JPT2: variants seen among roughly 807,000 people sequenced by gnomAD.
The protein encoded by JPT2 is CRAMP_1 like.
In JPT2, 9 loss-of-function variants were observed where a neutral mutation model predicts 15.9. That is an observed-to-expected ratio of 0.57 (90% CI 0.34 to 0.99). The LOEUF is 0.99. Ranked by LOEUF, JPT2 falls within the 50% of genes least tolerant of loss-of-function variation. JPT2 has a pLI of 0.02. For missense variants in JPT2, 267 were observed against 252.1 expected (o/e 1.06, Z -0.40); for synonymous variants, 95 against 91.7 (o/e 1.04, Z -0.21).
chr16:1,698,748 G>C lies in JPT2; in HGVS notation c.386-63G>C. ...CTATGACACACTTTTTATTTCCACA[G>C]CCTGCCTGTCAGGGTCATGGGTTGC... On this transcript the variant is annotated intron_variant, in intron 4 of 4. Transcript: ENST00000248098. This position sits in a 1 kb window ranked among gnomAD's most constrained non-coding sequence, Gnocchi z 4.9. 2 of 1,501,868 alleles carry C rather than the reference G, an allele frequency of 1.3e-6. No individual in the cohort carries two copies. Among genetic ancestry groups the C allele is most frequent in the Non-Finnish European group, 1.8e-6 (2 of 1,118,162 alleles). 93.0% of individuals were successfully genotyped at this position (1,501,868 alleles called of 1,614,324 possible).
chr16:1,682,446 C>T (rs781761830), intron 1 of JPT2, among the ~76,000 whole-genome samples: 4 of 151,928 alleles, frequency 2.6e-5, no homozygotes, highest in Middle Eastern at 3.4e-3. Flanking sequence ...CTGAGGTGGG[C>T]GGATCACCTG....
intron 1 of JPT2, among the ~76,000 whole-genome samples, chr16:1,680,120 G>A (rs1031130605): frequency 1.2e-4 from 18 of 152,208 alleles, no homozygotes; most frequent in African/African-American, 4.3e-4. Flanking sequence ...ACCGATGTGG[G>A]ACCAGGAGTT....
rs1253512249 is a variant in JPT2, at chr16:1,700,208, A to G, written c.*1210A>G. 2.2e-6 allele frequency: 1 copy of G among 455,446 alleles called. No homozygotes were observed. Among genetic ancestry groups the G allele is most frequent in the South Asian group, 1.5e-5 (1 of 64,528 alleles). 28.2% of individuals were successfully genotyped at this position (455,446 alleles called of 1,614,324 possible). A position where few individuals can be genotyped will look rare whatever the true frequency, so the allele number is the denominator to read the frequency against. On this transcript the variant is annotated 3_prime_UTR_variant, in exon 5 of 5. Transcript: ENST00000248098. ...GAGACTAGAGACCTTAGGCCAGGAG[A>G]TGAAGGAGTTCAGTAGCAAAGTCAC...
intron 3 of JPT2, among the ~76,000 whole-genome samples, chr16:1,694,875 A>G (rs1411256947): frequency 6.6e-6 from 1 of 152,250 alleles, no homozygotes; most frequent in Non-Finnish European, 1.5e-5. Context: ...AAACTATAAA[A>G]TTCTTAGAAG....
intron 1 of JPT2, chr16:1,680,703 T>C (rs779125242): frequency 1.1e-5 from 2 of 178,550 alleles, no homozygotes; most frequent in Non-Finnish European, 2.3e-5. Context: ...TGAGGGATTG[T>C]CTTGTGTTAA....
At chr16:1,687,049 C>G (rs1007106533) in intron 2 of JPT2, among the ~76,000 whole-genome samples, 24 of 152,266 alleles carry the variant, frequency 1.6e-4, no homozygotes, top group Admixed American at 1.3e-4. Flanking sequence ...GTGTCACCAC[C>G]ATGACTCACT....
Position 1,698,793 on chromosome 16 carries a change from T to C in JPT2, c.386-18T>C, listed in dbSNP as rs779981587. 6.2e-7 allele frequency: 1 copy of C among 1,602,394 alleles called. No homozygotes were observed. On this transcript the variant is annotated intron_variant, in intron 4 of 4. Transcript: ENST00000248098. The surrounding 1 kb of genome is among the most constrained non-coding windows in gnomAD (Gnocchi z 4.9). ...GGTTGCCTCTAATGGGATGTTGTTC[T>C]AACTTTGTGTCCCACAGCTGCAAGG...
At position 1,698,769 on chromosome 16, in the gene JPT2, G is replaced by A. The variant is rs1402040015; in HGVS notation, c.386-42G>A. The A allele has an allele frequency of 6.4e-7, 1 of 1,567,672 alleles. No homozygotes were observed. The highest frequency in any genetic ancestry group is 1.4e-5 in the African/African-American group (1 of 73,194). On this transcript the variant is annotated intron_variant, in intron 4 of 4. Transcript: ENST00000248098. The surrounding 1 kb of genome is among the most constrained non-coding windows in gnomAD (Gnocchi z 4.9). ...CACAGCCTGCCTGTCAGGGTCATGG[G>A]TTGCCTCTAATGGGATGTTGTTCTA... is the stretch of plus-strand genomic sequence containing the variant.
At chr16:1,692,631 A>G (rs982002629) in intron 3 of JPT2, among the ~76,000 whole-genome samples, 1 of 152,250 alleles carries the variant, frequency 6.6e-6, no homozygotes, top group Non-Finnish European at 1.5e-5. Context: ...CGTGAGGACC[A>G]GAGCCTGCAC....
At position 1,691,960 on chromosome 16, in the gene JPT2, G is replaced by T; in HGVS notation, c.311G>T (p.Arg104Leu). Reference protein sequence around the residue: ...IFGSPVTATSRLAHPNKPKDH... With the variant: ...IFGSPVTATSLLAHPNKPKDH... Reference sequence around the variant, plus strand: ...GGGTCTCCGGTCACTGCCACTTCACGCTTGGCACACCCAAACAAACCCAAG... The same window carrying T: ...GGGTCTCCGGTCACTGCCACTTCACTCTTGGCACACCCAAACAAACCCAAG... The change falls in exon 3 of 5, where the codon CGC becomes CTC. Residue 104 changes from arginine (R) to leucine (L), a missense_variant. Arg to Leu is a moderately radical substitution (Grantham distance 102). Transcript: ENST00000248098. The T allele has an allele frequency of 2.5e-6, 4 of 1,614,172 alleles. No homozygotes were observed. The highest frequency in any genetic ancestry group is 3.4e-6 in the Non-Finnish European group (4 of 1,180,030).
chr16:1,694,263 A>C (rs938865426), intron 3 of JPT2, among the ~76,000 whole-genome samples: 3 of 152,246 alleles, frequency 2.0e-5, no homozygotes, highest in Non-Finnish European at 2.9e-5. Flanking sequence ...GGGCCTGGGA[A>C]TGGAAATCCA....
In JPT2 at chr16:1,698,315, A is replaced by AC. The variant is rs2037156945; in HGVS notation, c.385+457dup. ...ACTCTCCCCACGGCTCTTTAGCCTG[A>AC]CCATGGGCATCGGTTTCTGCCTTTG... is the stretch of plus-strand genomic sequence containing the variant. On this transcript the variant is annotated intron_variant, in intron 4 of 4. Transcript: ENST00000248098. The surrounding 1 kb of genome is among the most constrained non-coding windows in gnomAD (Gnocchi z 4.9). 6.6e-6 allele frequency among the ~76,000 whole-genome samples: 1 copy of AC among 152,214 alleles called. No homozygotes were observed. The highest frequency in any genetic ancestry group is 1.5e-5 in the Non-Finnish European group (1 of 68,018).
chr16:1,694,219 TAA>T (rs2037124914), intron 3 of JPT2, among the ~76,000 whole-genome samples: 3 of 152,192 alleles, frequency 2.0e-5, no homozygotes, highest in Admixed American at 2.0e-4. Flanking sequence ...CAGTGGCCGT[TAA>T]CATCACAAAA....
Position 1,701,873 on chromosome 16 carries a change from C to A in JPT2, c.*2875C>A, listed in dbSNP as rs577863954. 1 of 286,030 alleles carries A rather than the reference C, an allele frequency of 3.5e-6. No individual in the cohort carries two copies. The highest frequency in any genetic ancestry group is 7.1e-6 in the Non-Finnish European group (1 of 140,420). The allele number at this position is 286,030 out of a possible 1,614,324, so 17.7% of individuals were successfully genotyped here. ...ACAACATACTACGACCCTGTCTATA[C>A]AAAAAAAAACTTCTCTAAATTAGCC... is the stretch of plus-strand genomic sequence containing the variant. On this transcript the variant is annotated 3_prime_UTR_variant, in exon 5 of 5. Coordinates refer to ENST00000248098, the MANE Select transcript of JPT2 (RefSeq NM_144570.3).
intron 1 of JPT2, among the ~76,000 whole-genome samples, chr16:1,678,598 C>T (rs571730735): frequency 2.2e-4 from 33 of 152,088 alleles, no homozygotes; most frequent in Admixed American, 1.0e-3. Context: ...AGGCCGAGGG[C>T]GGGGAGGGGC....
Position 1,691,943 on chromosome 16 carries a change from G to C in JPT2, c.294G>C (p.Pro98=). ...AGACCAGCGACATTTTTGGGTCTCC[G>C]GTCACTGCCACTTCACGCTTGGCAC... ...GGKTSDIFGS[P]VTATSRLAHP... Residue 98 remains proline (P), a synonymous_variant, in exon 3 of 5, where the codon CCG becomes CCC. Transcript: ENST00000248098. 1 of 1,614,148 alleles carries C rather than the reference G, an allele frequency of 6.2e-7. No homozygotes were observed. Among genetic ancestry groups the C allele is most frequent in the Non-Finnish European group, 8.5e-7 (1 of 1,180,034 alleles).
chr16:1,683,791 A>C (rs2037043740), intron 1 of JPT2, among the ~76,000 whole-genome samples: 1 of 152,166 alleles, frequency 6.6e-6, no homozygotes, highest in Admixed American at 6.5e-5. Context: ...CCAAACCTTG[A>C]GTGGTCAGTG....
rs1166565626 is a variant in JPT2 at position 1,701,765 on chromosome 16, G to C, written c.*2767G>C. The C allele has an allele frequency of 5.9e-6, 1 of 168,586 alleles. No individual in the cohort carries two copies. The highest frequency in any genetic ancestry group is 1.5e-4 in the East Asian group (1 of 6,500). The allele number at this position is 168,586 out of a possible 1,614,324, so 10.4% of individuals were successfully genotyped here. On this transcript the variant is annotated 3_prime_UTR_variant, in exon 5 of 5. Transcript: ENST00000248098. ...CCTGTCAAGAAAACAGGTGGGCATGGTGGCTCAGGTCTGTAGTCTTTGGGT... is the reference window on the plus strand; with the variant it reads ...CCTGTCAAGAAAACAGGTGGGCATGCTGGCTCAGGTCTGTAGTCTTTGGGT...
At chr16:1,697,718 T>G (rs2142230996) in intron 3 of JPT2, 94 bp from the exon 4 acceptor site, 2 of 1,209,406 alleles carry the variant, frequency 1.7e-6, no homozygotes, top group East Asian at 4.7e-5. Context: ...TTTTTGTAAA[T>G]TAAAAGGTTA....
Sources: allele counts gnomAD v4.1 joint callset (sites outside exome capture counted in the v4.1 genomes callset), GRCh38; gene constraint gnomAD v4.1.1; non-coding constraint Gnocchi (gnomAD v3.1); transcripts MANE v1.5; gene names NCBI Gene and HGNC (gene_info 2026-07-23, HGNC 2026-07-21).